The following SLC35A1 variants were observed in gnomAD, a reference collection of about 807,000 sequenced individuals.
SLC35A1 encodes the protein solute carrier family 35 member A1.
Under a neutral mutation model 40.3 loss-of-function variants are expected in SLC35A1, and 21 were observed. That is an observed-to-expected ratio of 0.52 (90% CI 0.37 to 0.75). SLC35A1 has a LOEUF of 0.75. Ranked by LOEUF, SLC35A1 falls within the 30% of genes least tolerant of loss-of-function variation. The pLI is 0.00. For synonymous variants in SLC35A1, 146 were observed against 147.3 expected (o/e 0.99, Z 0.06); for missense variants, 297 against 382.1 (o/e 0.78, Z 1.86).
intron 2 of SLC35A1, among the ~76,000 whole-genome samples, chr6:87,491,354 C>T (rs1582179079): frequency 2.0e-5 from 3 of 152,210 alleles, no homozygotes; most frequent in Non-Finnish European, 1.5e-5. Flanking sequence ...ACTATTATTT[C>T]CTCTTCTTTG....
At chr6:87,496,861 A>G (rs1024958484) in intron 2 of SLC35A1, among the ~76,000 whole-genome samples, 3 of 151,900 alleles carry the variant, frequency 2.0e-5, no homozygotes, top group African/African-American at 4.8e-5. Context: ...TTTTTACAAT[A>G]TATTACAGTA....
At position 87,501,239 on chromosome 6, in the gene SLC35A1, G is replaced by T. The variant is rs1449731017; in HGVS notation, c.436G>T (p.Val146Phe). ...CCGGACACTCAGCAAATTACAGTGG[G>T]TTTCAGTTTTTATGCTGTGTGCTGG... is the stretch of plus-strand genomic sequence containing the variant. ...LNRTLSKLQW[V>F]SVFMLCAGVT... is the part of the protein sequence containing the mutation. Residue 146 changes from valine (V) to phenylalanine (F), a missense_variant, in exon 4 of 8, where the codon GTT (valine) becomes TTT (phenylalanine). Coordinates refer to ENST00000369552, the MANE Select transcript of SLC35A1 (RefSeq NM_006416.5). 1.9e-6 allele frequency: 3 copies of T among 1,614,042 alleles called. No individual in the cohort carries two copies. In the Admixed American group the frequency reaches 5.0e-5, roughly 27 times the overall value.
chr6:87,501,405 C>T (rs1769920413), intron 4 of SLC35A1, 95 bp downstream of exon 4: 1 of 1,254,670 alleles, frequency 8.0e-7, no homozygotes, highest in Non-Finnish European at 1.1e-6. Flanking sequence ...AGCATGACTA[C>T]ATTTCTTTGA....
chr6:87,509,364 T>G (rs1016406609), intron 7 of SLC35A1, among the ~76,000 whole-genome samples, 189 bp downstream of exon 7: 6 of 152,172 alleles, frequency 3.9e-5, no homozygotes, highest in Non-Finnish European at 8.8e-5. Flanking sequence ...GTACTTTGGT[T>G]GTTTAGGTGG....
chr6:87,486,125 GGTTT>G (rs1769382540), intron 2 of SLC35A1, among the ~76,000 whole-genome samples: 1 of 152,064 alleles, frequency 6.6e-6, no homozygotes, highest in Non-Finnish European at 1.5e-5. Flanking sequence ...TCCATTTGGT[GGTTT>G]GTTTATTTAG....
At chr6:87,482,071 C>G (rs527775462) in intron 2 of SLC35A1, among the ~76,000 whole-genome samples, 1 of 152,290 alleles carries the variant, frequency 6.6e-6, no homozygotes, top group Middle Eastern at 3.4e-3. Flanking sequence ...TTAAATTATA[C>G]AACATTTCTT....
At chr6:87,478,799 TTTTC>T in intron 2 of SLC35A1, among the ~76,000 whole-genome samples, 1 of 152,342 alleles carries the variant, frequency 6.6e-6, no homozygotes, top group South Asian at 2.1e-4. Flanking sequence ...AATTTTCTTT[TTTTC>T]TTCTCAGCAA....
At chr6:87,494,940 C>T (rs1769673703) in intron 2 of SLC35A1, among the ~76,000 whole-genome samples, 1 of 152,000 alleles carries the variant, frequency 6.6e-6, no homozygotes, top group Non-Finnish European at 1.5e-5. Flanking sequence ...AGTGAAAACA[C>T]TTTCATATTG....
chr6:87,483,285 G>A lies in SLC35A1; in HGVS notation c.194+5746G>A, dbSNP rs748273515. On this transcript the variant is annotated intron_variant, in intron 2 of 7. Coordinates refer to ENST00000369552, the MANE Select transcript of SLC35A1 (RefSeq NM_006416.5). ...TGGTCTTTCCCTGCCTCTGCCAGCC[G>A]CTTATGCTGCTGTTCTTCCCTCTCC... Among the ~76,000 whole-genome samples the A allele has an allele frequency of 2.2e-4, 33 of 151,004 alleles. 1 individual carries two copies. The highest frequency in any genetic ancestry group is 7.1e-4 in the African/African-American group (29 of 41,020).
At chr6:87,508,968 T>C in intron 6 of SLC35A1, 73 bp from the exon 7 acceptor site, 2 of 1,503,234 alleles carry the variant, frequency 1.3e-6, no homozygotes, top group South Asian at 2.3e-5. Flanking sequence ...TCTCTGGGGA[T>C]GAAAATTGCC....
At chr6:87,481,849 A>G (rs1364547388) in intron 2 of SLC35A1, among the ~76,000 whole-genome samples, 1 of 152,242 alleles carries the variant, frequency 6.6e-6, no homozygotes, top group Non-Finnish European at 1.5e-5. Context: ...TTTAGCCAAT[A>G]TGGTTACACA....
chr6:87,502,925 T>C (rs1195515829), intron 4 of SLC35A1, among the ~76,000 whole-genome samples: 1 of 152,234 alleles, frequency 6.6e-6, no homozygotes, highest in Non-Finnish European at 1.5e-5. Flanking sequence ...AAACTCTGGC[T>C]TATTCTAAAC....
intron 1 of SLC35A1, 106 bp downstream of exon 1, chr6:87,473,125 G>C (rs1768965359): frequency 4.9e-6 from 2 of 410,790 alleles, no homozygotes; most frequent in South Asian, 1.7e-4. Flanking sequence ...TGGTTGCCCA[G>C]TGCCTCTGGG....
intron 4 of SLC35A1, among the ~76,000 whole-genome samples, chr6:87,502,303 G>C (rs138624184): frequency 1.4e-3 from 208 of 152,166 alleles, no homozygotes; most frequent in African/African-American, 4.6e-3. Context: ...TAAGTAATAC[G>C]AGGCACAGTT....
chr6:87,510,843 C>T (rs926102034), intron 7 of SLC35A1, among the ~76,000 whole-genome samples: 4 of 151,342 alleles, frequency 2.6e-5, no homozygotes, highest in African/African-American at 9.7e-5. Context: ...TGCACTCCAG[C>T]CTGGGCAACA....
At chr6:87,502,257 A>C (rs543144031) in intron 4 of SLC35A1, among the ~76,000 whole-genome samples, 1 of 152,140 alleles carries the variant, frequency 6.6e-6, no homozygotes, top group Admixed American at 6.6e-5. Context: ...TTATTTCTCA[A>C]TATATCCTAA....
At chr6:87,474,236 C>A (rs141430547) in intron 1 of SLC35A1, among the ~76,000 whole-genome samples, 3 of 152,138 alleles carry the variant, frequency 2.0e-5, no homozygotes, top group African/African-American at 7.2e-5. Flanking sequence ...ATTTGTTGAG[C>A]CTTGATTGTA....
intron 1 of SLC35A1, 31 bp from the exon 2 acceptor site, chr6:87,477,331 A>T: frequency 6.4e-7 from 1 of 1,567,408 alleles, no homozygotes; most frequent in East Asian, 2.2e-5. Flanking sequence ...ATTGTCTACT[A>T]AGTAATGTCT....
In SLC35A1 at chr6:87,477,547, T is replaced by G; in HGVS notation, c.194+8T>G. 1 of 1,593,992 alleles carries G rather than the reference T, an allele frequency of 6.3e-7. No individual in the cohort carries two copies. The highest frequency in any genetic ancestry group is 1.1e-5 in the South Asian group (1 of 90,632). On this transcript the variant is annotated splice_region_variant and intron_variant, in intron 2 of 7. Coordinates refer to ENST00000369552, the MANE Select transcript of SLC35A1 (RefSeq NM_006416.5). ...TGTGGGAATTTTAGCTAAGTGAGTA[T>G]AAATACTTATAGTGTGTTAAATTAT...
Sources: allele counts gnomAD v4.1 joint callset (sites outside exome capture counted in the v4.1 genomes callset), GRCh38; gene constraint gnomAD v4.1.1; transcripts MANE v1.5; gene names NCBI Gene and HGNC (gene_info 2026-07-23, HGNC 2026-07-21).